RGS7: variants seen among roughly 807,000 people sequenced by gnomAD.
The protein encoded by RGS7 is regulator of G protein signaling 7.
RGS7 carries 27 observed loss-of-function variants against 81.1 expected under a neutral mutation model. The observed-to-expected ratio is 0.33, with a 90% CI of 0.25 to 0.46. The LOEUF is 0.46. Ranked by LOEUF, RGS7 falls within the 20% of genes least tolerant of loss-of-function variation. The pLI, the probability that RGS7 is intolerant of heterozygous loss-of-function variation, is 1.00. For synonymous variants in RGS7, 208 were observed against 207.7 expected, an observed-to-expected ratio of 1.00 and a Z score of -0.01; for missense variants, 396 against 607.4, an observed-to-expected ratio of 0.65 and a Z score of 3.66.
intron 18 of RGS7, among the ~76,000 whole-genome samples, chr1:240,777,276 C>CT (rs1301266451): frequency 6.8e-6 from 1 of 147,990 alleles, no homozygotes; most frequent in Non-Finnish European, 1.5e-5. Flanking sequence ...GAGCGAGACT[C>CT]TGTCTCAAAA....
chr1:240,935,863 T>C (rs1344514195), intron 5 of RGS7, among the ~76,000 whole-genome samples: 1 of 152,144 alleles, frequency 6.6e-6, no homozygotes, highest in Non-Finnish European at 1.5e-5. Context: ...TGGATTAGAG[T>C]TTGACATCCA....
intron 6 of RGS7, among the ~76,000 whole-genome samples, chr1:240,872,083 G>A (rs951120293): frequency 1.3e-5 from 2 of 152,098 alleles, no homozygotes; most frequent in Non-Finnish European, 2.9e-5. Flanking sequence ...TGTAATACAG[G>A]TGTCCTATGA....
intron 2 of RGS7, among the ~76,000 whole-genome samples, chr1:241,207,591 C>A (rs1255830728): frequency 6.6e-6 from 1 of 151,888 alleles, no homozygotes; most frequent in Non-Finnish European, 1.5e-5. Context: ...GCTGTAATAA[C>A]TGCTAGGAAT....
chr1:241,117,487 A>G (rs925007603), intron 2 of RGS7, among the ~76,000 whole-genome samples: 1 of 152,188 alleles, frequency 6.6e-6, no homozygotes, highest in Non-Finnish European at 1.5e-5. Flanking sequence ...TGGATTGTGG[A>G]TGGTGACAGG....
At chr1:241,058,536 G>A (rs1200889221) in intron 3 of RGS7, among the ~76,000 whole-genome samples, 2 of 152,144 alleles carry the variant, frequency 1.3e-5, no homozygotes. Flanking sequence ...CGAGGTTGCT[G>A]AAAACCCGTA....
chr1:241,019,226 C>T (rs1214455345), intron 3 of RGS7, among the ~76,000 whole-genome samples: 2 of 152,108 alleles, frequency 1.3e-5, no homozygotes, highest in African/African-American at 4.8e-5. Flanking sequence ...TTTAAATGTT[C>T]TTACTAACTT....
intron 4 of RGS7, among the ~76,000 whole-genome samples, chr1:240,977,748 C>T (rs539207923): frequency 6.6e-6 from 1 of 152,114 alleles, no homozygotes; most frequent in Non-Finnish European, 1.5e-5. Flanking sequence ...TGTGAGAAGG[C>T]GGCACAACAC....
At chr1:241,156,114 G>A (rs1558136897) in intron 2 of RGS7, among the ~76,000 whole-genome samples, 1 of 149,340 alleles carries the variant, frequency 6.7e-6, no homozygotes, top group African/African-American at 2.5e-5. Context: ...CTGAGATAGA[G>A]GATAGAAAGA....
chr1:240,797,520 T>G (rs1687277931), intron 18 of RGS7, among the ~76,000 whole-genome samples: 1 of 152,022 alleles, frequency 6.6e-6, no homozygotes, highest in Non-Finnish European at 1.5e-5. Flanking sequence ...CCCGGCTAAT[T>G]TTTGTATTTT....
chr1:241,137,711 T>A (rs1398283234), intron 2 of RGS7, among the ~76,000 whole-genome samples: 1 of 152,204 alleles, frequency 6.6e-6, no homozygotes, highest in African/African-American at 2.4e-5. Context: ...AAACAATGGA[T>A]AGCTTGAAAT....
intron 2 of RGS7, among the ~76,000 whole-genome samples, chr1:241,174,890 A>ATTTTT (rs1351784629): frequency 7.6e-6 from 1 of 132,128 alleles, no homozygotes; most frequent in African/African-American, 2.9e-5. Flanking sequence ...AATTCACAGA[A>ATTTTT]TTTTGTTTTT....
At chr1:241,220,154 G>A (rs1356102826) in intron 2 of RGS7, among the ~76,000 whole-genome samples, 1 of 152,156 alleles carries the variant, frequency 6.6e-6, no homozygotes, top group African/African-American at 2.4e-5. Context: ...AGACCATGGA[G>A]AAAATGTATT....
chr1:241,246,638 G>A (rs539423161), intron 2 of RGS7, among the ~76,000 whole-genome samples: 1 of 152,212 alleles, frequency 6.6e-6, no homozygotes, highest in South Asian at 2.1e-4. Context: ...TAGTCCTTCG[G>A]GGGTAGGCAA....
intron 3 of RGS7, among the ~76,000 whole-genome samples, chr1:241,058,236 G>A (rs895865859): frequency 3.3e-5 from 5 of 152,216 alleles, no homozygotes; most frequent in African/African-American, 1.2e-4. Context: ...CACCAGTAAA[G>A]GGAAGAATGA....
chr1:241,347,921 AACTCT>A (rs2083007243), intron 2 of RGS7, among the ~76,000 whole-genome samples: 1 of 152,046 alleles, frequency 6.6e-6, no homozygotes, highest in Non-Finnish European at 1.5e-5. Flanking sequence ...TAATTTGTTG[AACTCT>A]ACTTTGTTTT....
At chr1:240,790,047 G>A (rs1685721242) in intron 18 of RGS7, among the ~76,000 whole-genome samples, 1 of 151,982 alleles carries the variant, frequency 6.6e-6, no homozygotes, top group African/African-American at 2.4e-5. Context: ...TGACACTTAG[G>A]GAAAATAGAA....
At chr1:241,207,878 T>G (rs1342385293) in intron 2 of RGS7, among the ~76,000 whole-genome samples, 2 of 152,166 alleles carry the variant, frequency 1.3e-5, no homozygotes, top group Admixed American at 1.3e-4. Flanking sequence ...CTTTACTTGT[T>G]TTGGGGTTGT....
intron 6 of RGS7, among the ~76,000 whole-genome samples, chr1:240,928,745 G>T (rs561178069): frequency 1.1e-3 from 171 of 151,966 alleles, no homozygotes; most frequent in African/African-American, 4.1e-3. Context: ...GGTAAGCTGG[G>T]ATTACAGGCA....
chr1:241,244,225 A>C (rs2148161252), intron 2 of RGS7, among the ~76,000 whole-genome samples: 1 of 152,352 alleles, frequency 6.6e-6, no homozygotes, highest in African/African-American at 2.4e-5. Flanking sequence ...AAGGGCTAAT[A>C]TCCAGAATCT....
Sources: gnomAD v4.1 joint callset for allele counts (sites outside exome capture counted in the v4.1 genomes callset) on GRCh38, gnomAD v4.1.1 for gene constraint, MANE v1.5 for transcripts, NCBI Gene and HGNC (gene_info 2026-07-23, HGNC 2026-07-21) for gene names.